PRR33: variants seen among roughly 807,000 people sequenced by gnomAD.
PRR33 encodes the protein proline-rich protein 33.
A neutral mutation model predicts 0.5 loss-of-function variants in PRR33; 1 was observed. That is an observed-to-expected ratio of 2.18 (90% CI 0.77 to 10.34). The LOEUF (loss-of-function observed/expected upper bound fraction) is 10.34, where lower values mean the gene tolerates loss of function less well. PRR33 is among the 30% of genes most tolerant of loss of function. The pLI is 0.13. For missense variants in PRR33, 552 were observed against 251.8 expected, an observed-to-expected ratio of 2.19 and a Z score of -8.07; for synonymous variants, 226 against 110.0, an observed-to-expected ratio of 2.06 and a Z score of -6.60.
chr11:1,903,684 C>T, the PRR33 span, among the ~76,000 whole-genome samples: 12 of 152,130 alleles, frequency 7.9e-5, no homozygotes, highest in Admixed American at 1.3e-4. Flanking sequence ...CTAACACGTA[C>T]GGACATACGA....
the PRR33 span, among the ~76,000 whole-genome samples, chr11:1,912,803 T>C: frequency 1.3e-5 from 2 of 152,026 alleles, no homozygotes; most frequent in Non-Finnish European, 2.9e-5. Flanking sequence ...GATAGGTTTT[T>C]GCCATGTTGC....
At chr11:1,901,443 T>C in the PRR33 span, among the ~76,000 whole-genome samples, 1 of 152,158 alleles carries the variant, frequency 6.6e-6, no homozygotes, top group Non-Finnish European at 1.5e-5. Flanking sequence ...CAGAGAGACA[T>C]ATAGTCATAA....
At chr11:1,895,774 T>C (rs1849117619), upstream of PRR33, among the ~76,000 whole-genome samples, 1 of 152,198 alleles carries the variant, frequency 6.6e-6, no homozygotes, top group South Asian at 2.1e-4. Context: ...ATCCAGTTGT[T>C]CCAGAATATG....
At chr11:1,900,557 C>T in the PRR33 span, among the ~76,000 whole-genome samples, 1 of 152,134 alleles carries the variant, frequency 6.6e-6, no homozygotes, top group East Asian at 1.9e-4. Context: ...TATTGTAGGA[C>T]TGTGTGTGTT....
chr11:1,901,646 A>C, the PRR33 span, among the ~76,000 whole-genome samples: 1 of 152,232 alleles, frequency 6.6e-6, no homozygotes, highest in East Asian at 1.9e-4. Context: ...CAGAAAATGT[A>C]TATATGAAAA....
At chr11:1,889,925 C>A in exon 1 of PRR33, 1 of 629,326 alleles carries the variant, frequency 1.6e-6, no homozygotes, top group Non-Finnish European at 2.9e-6. Flanking sequence ...GGACCAGGGG[C>A]TGGGCCCTGG....
chr11:1,890,536 G>C, exon 1 of PRR33: 1 of 715,004 alleles, frequency 1.4e-6, no homozygotes, highest in East Asian at 2.7e-5. Context: ...GTTCCCTGGA[G>C]GCTTGGGCCG....
the PRR33 span, among the ~76,000 whole-genome samples, chr11:1,902,093 G>A: frequency 2.0e-5 from 3 of 152,106 alleles, no homozygotes; most frequent in Non-Finnish European, 4.4e-5. Flanking sequence ...TTAGCCGGGC[G>A]TGGTGGCGGG....
At chr11:1,910,403 C>T in the PRR33 span, among the ~76,000 whole-genome samples, 6 of 152,266 alleles carry the variant, frequency 3.9e-5, no homozygotes, top group East Asian at 1.2e-3. Context: ...GCACCCGCCA[C>T]CACGTCCAGC....
the PRR33 span, among the ~76,000 whole-genome samples, chr11:1,905,644 C>A: frequency 6.6e-6 from 1 of 150,464 alleles, no homozygotes; most frequent in South Asian, 2.1e-4. Context: ...TCTACCAAAC[C>A]CTGGTAGAAA....
chr11:1,903,409 G>T, the PRR33 span, among the ~76,000 whole-genome samples: 1 of 152,150 alleles, frequency 6.6e-6, no homozygotes, highest in Admixed American at 6.5e-5. Context: ...GCCTCTCAAA[G>T]TGCTGGAATT....
the PRR33 span, among the ~76,000 whole-genome samples, chr11:1,898,488 G>A: frequency 6.6e-6 from 1 of 152,004 alleles, no homozygotes; most frequent in African/African-American, 2.4e-5. Context: ...ACCCACCTCG[G>A]CCTCCCAAAG....
At chr11:1,890,067 C>A (rs997302766) in exon 1 of PRR33, 4 of 711,976 alleles carry the variant, frequency 5.6e-6, no homozygotes, top group South Asian at 1.5e-5. Context: ...GGTGCCCCCA[C>A]CCCCAGAGAC....
At chr11:1,899,759 AGG>A in the PRR33 span, among the ~76,000 whole-genome samples, 1 of 152,182 alleles carries the variant, frequency 6.6e-6, no homozygotes, top group African/African-American at 2.4e-5. Flanking sequence ...AGATTTCTCA[AGG>A]GACGTCCCAT....
the PRR33 span, among the ~76,000 whole-genome samples, chr11:1,899,242 TA>T: frequency 1.3e-5 from 2 of 152,158 alleles, no homozygotes; most frequent in African/African-American, 4.8e-5. Context: ...TGATTAGCTT[TA>T]CCTTAAAATC....
chr11:1,895,212 A>G (rs556924715), upstream of PRR33, among the ~76,000 whole-genome samples: 1 of 151,920 alleles, frequency 6.6e-6, no homozygotes, highest in Non-Finnish European at 1.5e-5. Flanking sequence ...GGCCCACTGC[A>G]ACCTCCGTCT....
the PRR33 span, among the ~76,000 whole-genome samples, chr11:1,913,299 T>C: frequency 1.4e-5 from 1 of 72,846 alleles, no homozygotes; most frequent in Non-Finnish European, 3.1e-5. Flanking sequence ...GCTAACTTTT[T>C]TGTTTTTTTT....
chr11:1,915,839 TGAA>T, the PRR33 span, among the ~76,000 whole-genome samples: 1 of 147,988 alleles, frequency 6.8e-6, no homozygotes, highest in South Asian at 2.2e-4. Context: ...GATGGATAGA[TGAA>T]GAGATGGATG....
the PRR33 span, among the ~76,000 whole-genome samples, chr11:1,915,043 TGTGA>T: frequency 2.0e-5 from 3 of 148,768 alleles, no homozygotes; most frequent in Admixed American, 6.7e-5. Flanking sequence ...GGATGATGTT[TGTGA>T]GTGTGTGTGT....
Sources: allele counts gnomAD v4.1 joint callset (sites outside exome capture counted in the v4.1 genomes callset), GRCh38; gene constraint gnomAD v4.1.1; transcripts MANE v1.5; gene names NCBI Gene and HGNC (gene_info 2026-07-23, HGNC 2026-07-21).